XPR1: variants seen among roughly 807,000 people sequenced by gnomAD.
XPR1 encodes solute carrier family 53 member 1.
XPR1 carries 28 observed loss-of-function variants against 87.5 expected under a neutral mutation model. That is an observed-to-expected ratio of 0.32 (90% CI 0.24 to 0.44). The LOEUF (loss-of-function observed/expected upper bound fraction) is 0.44. Ranked by LOEUF, XPR1 falls within the 20% of genes least tolerant of loss-of-function variation. The pLI, the probability that XPR1 is intolerant of heterozygous loss-of-function variation, is 1.00. For synonymous variants in XPR1, 300 were observed against 306.1 expected, an observed-to-expected ratio of 0.98 and a Z score of 0.21; for missense variants, 559 against 862.3, an observed-to-expected ratio of 0.65 and a Z score of 4.41.
chr1:180,696,929 A>AT (rs1410119676), intron 2 of XPR1, among the ~76,000 whole-genome samples: 1 of 152,040 alleles, frequency 6.6e-6, no homozygotes, highest in African/African-American at 2.4e-5. Flanking sequence ...TTTGTCAGAG[A>AT]TATTGGCCTG....
At chr1:180,821,711 G>A (rs1650629830) in intron 7 of XPR1, among the ~76,000 whole-genome samples, 1 of 152,104 alleles carries the variant, frequency 6.6e-6, no homozygotes, top group Non-Finnish European at 1.5e-5. Context: ...ATTTCTTTCA[G>A]CAGTGTTTTG....
chr1:180,777,180 A>G (rs545286203), intron 2 of XPR1, among the ~76,000 whole-genome samples: 1 of 152,310 alleles, frequency 6.6e-6, no homozygotes, highest in East Asian at 1.9e-4. Flanking sequence ...TTTTACCTCC[A>G]GAATATCTTT....
intron 1 of XPR1, among the ~76,000 whole-genome samples, chr1:180,657,944 A>C (rs1458502010): frequency 2.0e-5 from 3 of 151,772 alleles, no homozygotes; most frequent in African/African-American, 4.8e-5. Context: ...CATTTTTTGC[A>C]TGTGTGTCCT....
chr1:180,660,759 G>A (rs1035458458), intron 1 of XPR1, among the ~76,000 whole-genome samples: 4 of 144,260 alleles, frequency 2.8e-5, no homozygotes, highest in Non-Finnish European at 6.1e-5. Flanking sequence ...TTATTTTGTG[G>A]CCTAACATAT....
At position 180,890,069 on chromosome 1, in the gene XPR1, T is replaced by G. The variant is rs571504345; in HGVS notation, c.*6003T>G. On this transcript the variant is annotated 3_prime_UTR_variant, in exon 15 of 15. Coordinates refer to ENST00000367590, the MANE Select transcript of XPR1 (RefSeq NM_004736.4). ...CCTTCCTATATGGGTAGAATTCTTA[T>G]GACTTATGAAGTTCCCTTCTTGATA... 2.6e-5 allele frequency: 4 copies of G among 152,098 alleles called. No individual in the cohort carries two copies. The highest frequency in any genetic ancestry group is 2.0e-4 in the East Asian group (1 of 5,078). The allele number at this position is 152,098 out of a possible 1,614,324, so 9.4% of individuals were successfully genotyped here.
chr1:180,775,510 G>A (rs1017124887), intron 2 of XPR1, among the ~76,000 whole-genome samples: 1 of 152,116 alleles, frequency 6.6e-6, no homozygotes, highest in Non-Finnish European at 1.5e-5. Context: ...GATATCTTTT[G>A]TTTGCTTTGT....
intron 1 of XPR1, among the ~76,000 whole-genome samples, chr1:180,677,562 G>C (rs185403014): frequency 6.6e-6 from 1 of 152,122 alleles, no homozygotes; most frequent in African/African-American, 2.4e-5. Context: ...AGTATCTCAG[G>C]CACTGATCTT....
intron 2 of XPR1, among the ~76,000 whole-genome samples, chr1:180,697,818 A>G (rs1420704514): frequency 6.6e-6 from 1 of 152,072 alleles, no homozygotes; most frequent in South Asian, 2.1e-4. Context: ...GTTACTTGAC[A>G]TTATTTTGAT....
chr1:180,827,126 C>T (rs1650875995), intron 9 of XPR1, among the ~76,000 whole-genome samples: 1 of 142,592 alleles, frequency 7.0e-6, no homozygotes, highest in African/African-American at 2.7e-5. Context: ...TGCACTCCAG[C>T]CTGGACGACA....
At chr1:180,731,529 C>T (rs1458176434) in intron 2 of XPR1, among the ~76,000 whole-genome samples, 1 of 152,102 alleles carries the variant, frequency 6.6e-6, no homozygotes, top group Non-Finnish European at 1.5e-5. Flanking sequence ...AAGTCCTTTC[C>T]TGAGGAACTC....
intron 2 of XPR1, among the ~76,000 whole-genome samples, chr1:180,712,172 A>G (rs143065068): frequency 3.3e-5 from 5 of 152,344 alleles, no homozygotes; most frequent in African/African-American, 9.6e-5. Flanking sequence ...AACAATTATA[A>G]CAGTATGTCA....
intron 6 of XPR1, among the ~76,000 whole-genome samples, chr1:180,809,091 CTGAT>C (rs1650110548): frequency 6.6e-6 from 1 of 152,104 alleles, no homozygotes; most frequent in African/African-American, 2.4e-5. Flanking sequence ...AAAGGAATAA[CTGAT>C]TGATAAATGT....
intron 2 of XPR1, among the ~76,000 whole-genome samples, chr1:180,768,134 G>A (rs1299708414): frequency 1.3e-5 from 2 of 152,014 alleles, no homozygotes; most frequent in Non-Finnish European, 2.9e-5. Flanking sequence ...ATGAGCCACC[G>A]TGCCCGGCCC....
intron 5 of XPR1, 27 bp from the exon 6 acceptor site, chr1:180,806,447 C>T (rs755493110): frequency 3.7e-5 from 59 of 1,609,192 alleles, no homozygotes; most frequent in East Asian, 3.3e-4. Context: ...TATAACCTAA[C>T]CAAAATGTAA....
rs946503874 is a variant in XPR1 at position 180,729,295 on chromosome 1, A to T, written c.121+46884A>T. On this transcript the variant is annotated intron_variant, in intron 2 of 14. Coordinates refer to ENST00000367590, the MANE Select transcript of XPR1 (RefSeq NM_004736.4). ...CTTCGCTGTTGTGAATAGTACTGCG[A>T]TTAACATATGTGTGCATTTGTCTTT... is the stretch of plus-strand genomic sequence containing the variant. Among the ~76,000 whole-genome samples, 6 of 152,184 alleles carry T rather than the reference A, an allele frequency of 3.9e-5. No individual in the cohort carries two copies. In the East Asian group the frequency reaches 1.2e-3, roughly 29 times the overall value.
chr1:180,749,387 A>G (rs1647426836), intron 2 of XPR1, among the ~76,000 whole-genome samples: 1 of 152,170 alleles, frequency 6.6e-6, no homozygotes, highest in Non-Finnish European at 1.5e-5. Context: ...GTTATGATAT[A>G]TATCTTTGTT....
At chr1:180,830,365 A>T (rs188123169) in intron 9 of XPR1, among the ~76,000 whole-genome samples, 1 of 152,260 alleles carries the variant, frequency 6.6e-6, no homozygotes, top group Admixed American at 6.5e-5. Flanking sequence ...AGCACCAGAA[A>T]ATAATGTCTC....
intron 1 of XPR1, among the ~76,000 whole-genome samples, chr1:180,677,901 G>C (rs954615994): frequency 1.3e-5 from 2 of 152,156 alleles, no homozygotes; most frequent in African/African-American, 4.8e-5. Context: ...CAGATCTTTT[G>C]TACTGTAATA....
At chr1:180,687,460 C>G (rs1656822910) in intron 2 of XPR1, among the ~76,000 whole-genome samples, 1 of 152,154 alleles carries the variant, frequency 6.6e-6, no homozygotes, top group African/African-American at 2.4e-5. Flanking sequence ...TGCACACATT[C>G]TTTCTTTATA....
Sources: allele counts gnomAD v4.1 joint callset (sites outside exome capture counted in the v4.1 genomes callset), GRCh38; gene constraint gnomAD v4.1.1; transcripts MANE v1.5; gene names NCBI Gene and HGNC (gene_info 2026-07-23, HGNC 2026-07-21).